BMPR1B: variants seen among roughly 807,000 people sequenced by gnomAD.
BMPR1B encodes bone morphogenetic protein receptor type 1B.
Under a neutral mutation model 59.1 loss-of-function variants are expected in BMPR1B, and 12 were observed. The observed-to-expected ratio is 0.20, with a 90% CI of 0.13 to 0.33. BMPR1B has a LOEUF of 0.33. BMPR1B is among the 10% of genes least tolerant of loss of function. BMPR1B has a pLI of 1.00. For synonymous variants in BMPR1B, 237 were observed against 207.3 expected (o/e 1.14, Z -1.23); for missense variants, 550 against 610.9 (o/e 0.90, Z 1.05).
chr4:95,036,704 CTTTTT>C (rs5860386), intron 3 of BMPR1B, among the ~76,000 whole-genome samples: 11 of 128,088 alleles, frequency 8.6e-5, no homozygotes, highest in Admixed American at 2.4e-4. Flanking sequence ...ATACAATTTC[CTTTTT>C]TTTTTTTTTT....
intron 3 of BMPR1B, among the ~76,000 whole-genome samples, chr4:95,004,765 A>G (rs1722705738): frequency 6.6e-6 from 1 of 152,162 alleles, no homozygotes; most frequent in African/African-American, 2.4e-5. Flanking sequence ...GTTTATTGTA[A>G]GAGGCTTTTT....
At chr4:95,074,891 T>A (rs138237490) in intron 3 of BMPR1B, among the ~76,000 whole-genome samples, 3,782 of 152,286 alleles carry the variant, frequency 0.025, 71 homozygotes, top group South Asian at 0.035. Context: ...CTCATGATTA[T>A]TTTAAATATG....
At chr4:94,935,974 ATT>A (rs35225082) in intron 2 of BMPR1B, among the ~76,000 whole-genome samples, 7 of 151,700 alleles carry the variant, frequency 4.6e-5, no homozygotes, top group Admixed American at 4.6e-4. Context: ...CCTTGGATTA[ATT>A]TTTTTTCCTG....
At chr4:94,896,726 AC>A (rs1727601169) in intron 2 of BMPR1B, among the ~76,000 whole-genome samples, 1 of 152,068 alleles carries the variant, frequency 6.6e-6, no homozygotes, top group Non-Finnish European at 1.5e-5. Context: ...AAGTGAAAAT[AC>A]AGGTATAAGC....
chr4:95,138,649 C>A (rs1465209487), intron 10 of BMPR1B, among the ~76,000 whole-genome samples: 2 of 152,170 alleles, frequency 1.3e-5, no homozygotes, highest in African/African-American at 4.8e-5. Context: ...CACTTCATTT[C>A]ATTCATTTGA....
At chr4:95,041,082 A>C (rs1175931820) in intron 3 of BMPR1B, among the ~76,000 whole-genome samples, 1 of 152,168 alleles carries the variant, frequency 6.6e-6, no homozygotes, top group Admixed American at 6.5e-5. Context: ...TGTTAATGAC[A>C]ATATATGTAT....
At position 95,104,541 on chromosome 4, in the gene BMPR1B, A is replaced by G; in HGVS notation, c.117A>G (p.Pro39=). The G allele has an allele frequency of 6.2e-7, 1 of 1,613,482 alleles. No individual in the cohort carries two copies. Among genetic ancestry groups the G allele is most frequent in the Middle Eastern group, 1.7e-4 (1 of 6,056 alleles). Residue 39 remains proline (P), a synonymous_variant, in exon 4 of 13, where the codon CCA becomes CCG. Transcript: ENST00000515059. ...GTTGTAAATGCCACCACCATTGTCC[A>G]GAAGACTCAGTCAACAATATTTGCA... is the stretch of plus-strand genomic sequence containing the variant. ...VLRCKCHHHC[P]EDSVNNICST... is the part of the protein sequence containing the mutation.
At chr4:95,054,352 T>A (rs1355162145) in intron 3 of BMPR1B, among the ~76,000 whole-genome samples, 1 of 152,138 alleles carries the variant, frequency 6.6e-6, no homozygotes, top group Non-Finnish European at 1.5e-5. Context: ...TTACCTTAAA[T>A]GTTTTACTAG....
intron 9 of BMPR1B, among the ~76,000 whole-genome samples, chr4:95,130,321 C>A (rs1027129312): frequency 4.6e-5 from 7 of 152,076 alleles, no homozygotes; most frequent in Non-Finnish European, 1.0e-4. Context: ...GAGTGTAAAA[C>A]CAGAATTTCT....
chr4:94,990,349 T>TAG (rs1162378602), intron 2 of BMPR1B, among the ~76,000 whole-genome samples: 1 of 152,112 alleles, frequency 6.6e-6, no homozygotes, highest in Admixed American at 6.6e-5. Context: ...AATGAGACTC[T>TAG]GTCCGTCTCA....
chr4:95,117,516 C>T (rs1732157776), intron 6 of BMPR1B, among the ~76,000 whole-genome samples: 1 of 151,990 alleles, frequency 6.6e-6, no homozygotes, highest in Admixed American at 6.6e-5. Context: ...GGCACAGTGG[C>T]TCACACCTGT....
Position 94,996,072 on chromosome 4 carries a change from C to G in BMPR1B, c.-80C>G, listed in dbSNP as rs1722034447. 1 of 152,176 alleles carries G rather than the reference C, an allele frequency of 6.6e-6. No homozygotes were observed. The allele number at this position is 152,176 out of a possible 1,614,324, so 9.4% of individuals were successfully genotyped here. A position where few individuals can be genotyped will look rare whatever the true frequency, so the allele number is the denominator to read the frequency against. ...CTTCTGCTGATTCATAACCATTTGG[C>G]TCTGAGCTATGACAAGAGAGGAAAC... On this transcript the variant is annotated 5_prime_UTR_variant, in exon 3 of 13. Transcript: ENST00000515059.
chr4:94,882,727 G>T (rs1727023007), intron 2 of BMPR1B, among the ~76,000 whole-genome samples: 1 of 152,136 alleles, frequency 6.6e-6, no homozygotes, highest in Non-Finnish European at 1.5e-5. Flanking sequence ...TTCATAGGGA[G>T]GGTCTTCAGA....
At chr4:95,086,202 A>T (rs1230575700) in intron 3 of BMPR1B, among the ~76,000 whole-genome samples, 1 of 152,192 alleles carries the variant, frequency 6.6e-6, no homozygotes, top group Non-Finnish European at 1.5e-5. Flanking sequence ...TGATAGCAAG[A>T]ATCCTTTCTT....
intron 3 of BMPR1B, among the ~76,000 whole-genome samples, chr4:95,098,780 G>C (rs973718641): frequency 1.3e-5 from 2 of 151,984 alleles, no homozygotes; most frequent in African/African-American, 4.8e-5. Context: ...GCAGTGGCGC[G>C]ATCTGGGCTC....
At chr4:95,096,822 A>G (rs984344759) in intron 3 of BMPR1B, among the ~76,000 whole-genome samples, 183 of 140,450 alleles carry the variant, frequency 1.3e-3, no homozygotes, top group African/African-American at 4.7e-3. Context: ...ATATAAATAT[A>G]TTTATATTTA....
rs1735548576 is a variant in BMPR1B at position 95,158,228 on chromosome 4, A to G, written c.*3555A>G. The G allele has an allele frequency of 1.3e-5, 2 of 152,132 alleles. No homozygotes were observed. The highest frequency in any genetic ancestry group is 2.4e-5 in the African/African-American group (1 of 41,426). The allele number at this position is 152,132 out of a possible 1,614,324, so 9.4% of individuals were successfully genotyped here. A position where few individuals can be genotyped will look rare whatever the true frequency, so the allele number is the denominator to read the frequency against. On this transcript the variant is annotated 3_prime_UTR_variant, in exon 13 of 13. Coordinates refer to ENST00000515059, the MANE Select transcript of BMPR1B (RefSeq NM_001203.3). Reference sequence around the variant, plus strand: ...AAACAAAACAAAAAAACAATGCCATATTTTTTGGAGAAAAGTTGGCAATAT... The same window carrying G: ...AAACAAAACAAAAAAACAATGCCATGTTTTTTGGAGAAAAGTTGGCAATAT...
intron 6 of BMPR1B, among the ~76,000 whole-genome samples, chr4:95,117,636 A>G (rs1349680087): frequency 2.0e-5 from 3 of 152,030 alleles, no homozygotes. Flanking sequence ...AAAAATTTTA[A>G]TGATCTGGGC....
At chr4:94,830,105 C>G (rs563150225) in intron 1 of BMPR1B, among the ~76,000 whole-genome samples, 652 of 152,160 alleles carry the variant, frequency 4.3e-3, no homozygotes, top group Non-Finnish European at 7.5e-3. Flanking sequence ...TTTAGGTCAT[C>G]ATAGAAAGTA....
Sources: gnomAD v4.1 joint callset for allele counts (sites outside exome capture counted in the v4.1 genomes callset) on GRCh38, gnomAD v4.1.1 for gene constraint, MANE v1.5 for transcripts, NCBI Gene and HGNC (gene_info 2026-07-23, HGNC 2026-07-21) for gene names.